The following CYRIB variants were observed in gnomAD, a reference collection of about 807,000 sequenced individuals.
The protein encoded by CYRIB is CYFIP-related Rac1 interactor B.
Under a neutral mutation model 44.2 loss-of-function variants are expected in CYRIB, and 8 were observed. The ratio of observed to expected loss-of-function variants is 0.18; its 90% confidence interval spans 0.11 to 0.33. The LOEUF (loss-of-function observed/expected upper bound fraction) is 0.33. Ranked by LOEUF, CYRIB falls within the 10% of genes least tolerant of loss-of-function variation. The probability of loss-of-function intolerance (pLI) is 1.00; values close to 1 mark genes in which losing one functional copy is unlikely to be tolerated. For synonymous variants in CYRIB, 131 were observed against 127.2 expected, an observed-to-expected ratio of 1.03 and a Z score of -0.20; for missense variants, 185 against 382.8, an observed-to-expected ratio of 0.48 and a Z score of 4.31.
intron 4 of CYRIB, among the ~76,000 whole-genome samples, chr8:129,870,791 T>C (rs973032794): frequency 3.3e-5 from 5 of 152,016 alleles, no homozygotes; most frequent in Admixed American, 6.6e-5. Context: ...AACATGGATA[T>C]GCTACGGGGA....
At chr8:129,848,516 G>A (rs1428304212) in intron 10 of CYRIB, among the ~76,000 whole-genome samples, 1 of 152,224 alleles carries the variant, frequency 6.6e-6, no homozygotes, top group East Asian at 1.9e-4. Context: ...TTATGACTAG[G>A]TAGGGGAGGG....
chr8:129,885,072 T>A (rs1367062695), intron 2 of CYRIB, among the ~76,000 whole-genome samples: 1 of 152,242 alleles, frequency 6.6e-6, no homozygotes, highest in Non-Finnish European at 1.5e-5. Context: ...CTACAATTAC[T>A]ATAATATTTC....
chr8:129,853,206 T>C (rs2044284661), intron 7 of CYRIB, among the ~76,000 whole-genome samples: 1 of 152,214 alleles, frequency 6.6e-6, no homozygotes, highest in African/African-American at 2.4e-5. Context: ...GTCTTTAGCC[T>C]TAAGTGATGG....
At chr8:129,933,956 CACTT>C (rs2092301700) in intron 1 of CYRIB, among the ~76,000 whole-genome samples, 1 of 152,008 alleles carries the variant, frequency 6.6e-6, no homozygotes, top group South Asian at 2.1e-4. Context: ...TTAAAAGACT[CACTT>C]AAGAGCTAGT....
chr8:129,937,795 T>G (rs182385575), intron 1 of CYRIB, among the ~76,000 whole-genome samples: 113 of 152,036 alleles, frequency 7.4e-4, no homozygotes, highest in African/African-American at 2.7e-3. Context: ...AAAGCAAGAG[T>G]TCCCTGACAA....
intron 2 of CYRIB, among the ~76,000 whole-genome samples, chr8:129,960,803 T>C (rs1010940969): frequency 4.0e-5 from 6 of 148,950 alleles, no homozygotes; most frequent in Non-Finnish European, 7.4e-5. Context: ...ATACAATAAT[T>C]AGCTGGGCAT....
At chr8:129,871,562 CTAAGCAAT>C (rs2057231531) in intron 3 of CYRIB, 66 bp from the exon 6 acceptor site, 1 of 1,535,756 alleles carries the variant, frequency 6.5e-7, no homozygotes, top group Non-Finnish European at 8.8e-7. Flanking sequence ...ATGTGTAACT[CTAAGCAAT>C]TAACAACCCA....
intron 1 of CYRIB, among the ~76,000 whole-genome samples, chr8:130,013,597 C>G (rs540104566): frequency 6.6e-6 from 1 of 152,170 alleles, no homozygotes; most frequent in African/African-American, 2.4e-5. Context: ...AGTCCCAGAC[C>G]GCCAAAGCCA....
At chr8:129,976,844 G>A (rs534047378) in intron 1 of CYRIB, among the ~76,000 whole-genome samples, 1 of 151,064 alleles carries the variant, frequency 6.6e-6, no homozygotes, top group Admixed American at 6.6e-5. Context: ...GTTTTTTGGG[G>A]TTTTTTTTTA....
At chr8:129,999,133 G>A (rs867213452) in intron 1 of CYRIB, among the ~76,000 whole-genome samples, 1 of 152,114 alleles carries the variant, frequency 6.6e-6, no homozygotes, top group African/African-American at 2.4e-5. Flanking sequence ...TAACGTGGGG[G>A]GGGTGGGACG....
chr8:129,865,430 A>C (rs543154438), intron 4 of CYRIB, among the ~76,000 whole-genome samples: 1 of 152,344 alleles, frequency 6.6e-6, no homozygotes, highest in Non-Finnish European at 1.5e-5. Context: ...ACATTTGCAG[A>C]GTGGGAGAAG....
intron 4 of CYRIB, chr8:129,864,755 T>C: frequency 2.7e-6 from 1 of 370,926 alleles, no homozygotes; most frequent in Middle Eastern, 1.1e-3. Context: ...AAGCCTTCGG[T>C]ACATTGCTAA....
In CYRIB at chr8:130,003,597, G is replaced by A. The variant is rs541978177; in HGVS notation, c.-296+12773C>T. Among the ~76,000 whole-genome samples, 8 of 152,332 alleles carry A rather than the reference G, an allele frequency of 5.3e-5. No individual in the cohort carries two copies. In the East Asian group the frequency reaches 7.7e-4, roughly 15 times the overall value. On this transcript the variant is annotated intron_variant, in intron 1 of 14. Coordinates refer to the CYRIB transcript ENST00000401979. The stretch of plus-strand genomic sequence containing the variant: ...TGAATGAGAGATCCATAATGCATGC[G>A]AGGATAAGCTCCAAGGTGGAATCAA...
chr8:129,880,419 C>A, intron 2 of CYRIB: 2 of 985,764 alleles, frequency 2.0e-6, no homozygotes, highest in Non-Finnish European at 2.4e-6. Context: ...GGTCTATGTC[C>A]CTGGTTAGCA....
intron 1 of CYRIB, among the ~76,000 whole-genome samples, chr8:129,927,454 C>T (rs1230521366): frequency 6.6e-6 from 1 of 152,084 alleles, no homozygotes; most frequent in African/African-American, 2.4e-5. Context: ...TTACAAAAGT[C>T]CCTGCAGAAA....
chr8:129,960,657 A>G (rs189245616), intron 2 of CYRIB, among the ~76,000 whole-genome samples: 1,829 of 143,594 alleles, frequency 0.013, 42 homozygotes, highest in African/African-American at 0.045. Flanking sequence ...AAGAAAAAAA[A>G]AAAAAAAAAA....
At chr8:129,932,004 T>A (rs1385419042) in intron 1 of CYRIB, among the ~76,000 whole-genome samples, 1 of 150,316 alleles carries the variant, frequency 6.7e-6, no homozygotes, top group African/African-American at 2.4e-5. Flanking sequence ...CTTCTTTTTT[T>A]TTTTTTTTTT....
intron 1 of CYRIB, among the ~76,000 whole-genome samples, chr8:129,935,017 C>T (rs1776008009): frequency 1.3e-5 from 2 of 152,190 alleles, no homozygotes; most frequent in Admixed American, 1.3e-4. Flanking sequence ...AATTTCCAGG[C>T]CTTCTCCCTA....
At chr8:129,879,405 A>G in exon 3 of CYRIB, 2 of 1,611,508 alleles carry the variant, frequency 1.2e-6, no homozygotes, top group Non-Finnish European at 1.7e-6. Flanking sequence ...AATCAAGGAA[A>G]AAATTTGGCC....
Sources: allele counts gnomAD v4.1 joint callset (sites outside exome capture counted in the v4.1 genomes callset), GRCh38; gene constraint gnomAD v4.1.1; transcripts MANE v1.5; gene names NCBI Gene and HGNC (gene_info 2026-07-23, HGNC 2026-07-21).